RORA: variants seen among roughly 807,000 people sequenced by gnomAD.
The protein encoded by RORA is nuclear receptor ROR-alpha.
Under a neutral mutation model 69.5 loss-of-function variants are expected in RORA, and 7 were observed. The observed-to-expected ratio is 0.10, with a 90% CI of 0.06 to 0.19. The LOEUF is 0.19. Among genes scored for constraint, RORA ranks in the 10% least tolerant of loss-of-function variants. The pLI, the probability that RORA is intolerant of heterozygous loss-of-function variation, is 1.00. For missense variants in RORA, 457 were observed against 663.0 expected (o/e 0.69, Z 3.41); for synonymous variants, 261 against 240.8 (o/e 1.08, Z -0.78).
chr15:61,038,425 AC>A (rs1222200362), intron 1 of RORA, among the ~76,000 whole-genome samples: 1 of 152,130 alleles, frequency 6.6e-6, no homozygotes, highest in Non-Finnish European at 1.5e-5. Flanking sequence ...CTCCATGGAA[AC>A]CCTCCAATAG....
intron 1 of RORA, among the ~76,000 whole-genome samples, chr15:61,146,316 A>G (rs72739556): frequency 0.16 from 24,696 of 151,814 alleles, 2,232 homozygotes; most frequent in African/African-American, 0.2. Context: ...CTACATGAAA[A>G]ATCTACATAA....
intron 1 of RORA, among the ~76,000 whole-genome samples, chr15:60,921,623 TG>T (rs1343391234): frequency 1.3e-5 from 2 of 152,212 alleles, no homozygotes; most frequent in African/African-American, 4.8e-5. Context: ...ACAAATTCAT[TG>T]AGCTGCACAA....
intron 1 of RORA, among the ~76,000 whole-genome samples, chr15:60,810,547 CTTA>C (rs1367139803): frequency 3.9e-5 from 6 of 152,040 alleles, no homozygotes; most frequent in African/African-American, 1.4e-4. Context: ...CCATCCCCTG[CTTA>C]TTTTTCTCTC....
chr15:60,614,222 A>T (rs1241530554), intron 2 of RORA, among the ~76,000 whole-genome samples: 1 of 152,150 alleles, frequency 6.6e-6, no homozygotes, highest in African/African-American at 2.4e-5. Flanking sequence ...CAGGAAGTTA[A>T]GTACAGTTTG....
intron 2 of RORA, among the ~76,000 whole-genome samples, chr15:60,666,422 C>T (rs1219920421): frequency 6.7e-6 from 1 of 149,944 alleles, no homozygotes; most frequent in African/African-American, 2.5e-5. Flanking sequence ...CTGGACTCAG[C>T]AATCCCCCCT....
chr15:60,864,164 G>T (rs1285578123), intron 1 of RORA, among the ~76,000 whole-genome samples: 7 of 152,138 alleles, frequency 4.6e-5, no homozygotes, highest in African/African-American at 1.7e-4. Context: ...GCATGGTGGG[G>T]GTGGTTTAAG....
intron 1 of RORA, among the ~76,000 whole-genome samples, chr15:61,053,199 A>C (rs1180779045): frequency 6.6e-6 from 1 of 152,106 alleles, no homozygotes; most frequent in Admixed American, 6.5e-5. Flanking sequence ...TTGATTCCTC[A>C]TATTTTAAGG....
intron 1 of RORA, among the ~76,000 whole-genome samples, chr15:61,072,622 T>C (rs2078383715): frequency 6.6e-6 from 1 of 152,224 alleles, no homozygotes. Flanking sequence ...TGTCTTTTTT[T>C]CTATACATTT....
chr15:61,058,088 G>C (rs2078120515), intron 1 of RORA, among the ~76,000 whole-genome samples: 2 of 152,094 alleles, frequency 1.3e-5, no homozygotes, highest in Non-Finnish European at 2.9e-5. Context: ...TCCTGAAAGA[G>C]GAAGGACTTT....
chr15:60,743,845 T>C (rs751773626), intron 1 of RORA, among the ~76,000 whole-genome samples: 1 of 152,234 alleles, frequency 6.6e-6, no homozygotes, highest in East Asian at 1.9e-4. Flanking sequence ...TTCCCTCTTG[T>C]CTTCTAGGGA....
chr15:60,823,121 TCTC>T (rs2072914875), intron 1 of RORA, among the ~76,000 whole-genome samples: 4 of 117,380 alleles, frequency 3.4e-5, no homozygotes, highest in Admixed American at 2.0e-4. Context: ...TCTCTCTCTC[TCTC>T]TCTCTCTTTC....
intron 1 of RORA, among the ~76,000 whole-genome samples, chr15:60,821,769 A>C (rs2072896382): frequency 6.6e-6 from 1 of 152,166 alleles, no homozygotes; most frequent in Admixed American, 6.5e-5. Flanking sequence ...AATACTTGCT[A>C]TGCTACTCTA....
intron 1 of RORA, among the ~76,000 whole-genome samples, chr15:61,073,265 C>G (rs1309725863): frequency 4.6e-5 from 7 of 152,174 alleles, no homozygotes; most frequent in Non-Finnish European, 7.3e-5. Flanking sequence ...GAGGGCAGGG[C>G]GCAGGTATAC....
rs571779658 is a variant in RORA, at chr15:60,714,611, C to T, written c.167-35925G>A. Reference sequence around the variant, plus strand: ...AACTCCTGACCTCAGGTGATCCACCCGCCTCAGCCTCCCAAAGTGCTGGGA... The same window carrying T: ...AACTCCTGACCTCAGGTGATCCACCTGCCTCAGCCTCCCAAAGTGCTGGGA... On this transcript the variant is annotated intron_variant, in intron 1 of 10. Transcript: ENST00000335670. Among the ~76,000 whole-genome samples the T allele has an allele frequency of 1.4e-3, 204 of 149,674 alleles. 4 individuals are homozygous for T. In the East Asian group the frequency reaches 0.036, roughly 27 times the overall value.
At chr15:60,890,901 TGAA>T (rs2073806325) in intron 1 of RORA, among the ~76,000 whole-genome samples, 1 of 152,202 alleles carries the variant, frequency 6.6e-6, no homozygotes, top group Non-Finnish European at 1.5e-5. Flanking sequence ...GTGCTCTCTC[TGAA>T]GTGCCCAATA....
At chr15:60,810,990 G>A (rs1212229719) in intron 1 of RORA, among the ~76,000 whole-genome samples, 1 of 152,194 alleles carries the variant, frequency 6.6e-6, no homozygotes, top group African/African-American at 2.4e-5. Context: ...ATACCACAGA[G>A]AAAATTCCAG....
At chr15:61,058,704 G>A (rs2078129469) in intron 1 of RORA, among the ~76,000 whole-genome samples, 1 of 152,166 alleles carries the variant, frequency 6.6e-6, no homozygotes, top group South Asian at 2.1e-4. Context: ...CCTCTGTCTA[G>A]GGCCTAGCAC....
chr15:61,153,165 G>A (rs777113993), intron 1 of RORA, among the ~76,000 whole-genome samples: 15 of 152,194 alleles, frequency 9.9e-5, no homozygotes, highest in Non-Finnish European at 1.9e-4. Flanking sequence ...GGGATTGGAA[G>A]GAGAGGATTC....
intron 1 of RORA, among the ~76,000 whole-genome samples, chr15:60,966,873 A>T (rs183783065): frequency 3.3e-5 from 5 of 152,322 alleles, no homozygotes; most frequent in African/African-American, 1.2e-4. Flanking sequence ...GTCAAAGCCA[A>T]TTTGAGCAAC....
Sources: allele counts gnomAD v4.1 joint callset (sites outside exome capture counted in the v4.1 genomes callset), GRCh38; gene constraint gnomAD v4.1.1; transcripts MANE v1.5; gene names NCBI Gene and HGNC (gene_info 2026-07-23, HGNC 2026-07-21).